TPP2: variants seen among roughly 807,000 people sequenced by gnomAD.
TPP2 encodes tripeptidyl-peptidase 2.
Under a neutral mutation model 155.9 loss-of-function variants are expected in TPP2, and 34 were observed. That is an observed-to-expected ratio of 0.22 (90% confidence interval 0.17 to 0.29). The LOEUF is 0.29. Ranked by LOEUF, TPP2 falls within the 10% of genes least tolerant of loss-of-function variation. TPP2 has a pLI of 1.00. For missense variants in TPP2, 1,028 were observed against 1,522.3 expected (o/e 0.68, Z 5.40); for synonymous variants, 510 against 529.4 (o/e 0.96, Z 0.50).
intron 6 of TPP2, among the ~76,000 whole-genome samples, chr13:102,626,381 G>A (rs1160691159): frequency 1.3e-5 from 2 of 152,302 alleles, no homozygotes; most frequent in East Asian, 1.9e-4. Flanking sequence ...ATGAATTGAT[G>A]TACATGTAAC....
At chr13:102,604,522 C>T (rs1284620441) in intron 1 of TPP2, among the ~76,000 whole-genome samples, 1 of 152,128 alleles carries the variant, frequency 6.6e-6, no homozygotes, top group East Asian at 1.9e-4. Context: ...TGCCATATCC[C>T]CAGCACCTAA....
chr13:102,612,816 G>A (rs980361855), intron 2 of TPP2, among the ~76,000 whole-genome samples: 4 of 152,086 alleles, frequency 2.6e-5, no homozygotes, highest in African/African-American at 9.7e-5. Flanking sequence ...AAGAAATTGT[G>A]ATTAAATATA....
intron 2 of TPP2, among the ~76,000 whole-genome samples, chr13:102,607,231 G>A (rs748165427): frequency 1.3e-5 from 2 of 152,218 alleles, no homozygotes; most frequent in Non-Finnish European, 1.5e-5. Flanking sequence ...TATCTGAAAC[G>A]CTGGGGACCA....
intron 3 of TPP2, among the ~76,000 whole-genome samples, chr13:102,615,819 G>A (rs1880676027): frequency 2.0e-5 from 3 of 152,168 alleles, no homozygotes; most frequent in African/African-American, 7.2e-5. Context: ...AGAAGAGAAG[G>A]TTTTAAATTG....
At chr13:102,669,059 G>A (rs978689785) in intron 27 of TPP2, among the ~76,000 whole-genome samples, 18 of 152,154 alleles carry the variant, frequency 1.2e-4, no homozygotes, top group African/African-American at 4.3e-4. Flanking sequence ...TCTTCCCAGT[G>A]TTAACAATTC....
rs541121689 is a variant in TPP2, at chr13:102,629,141, C to T, written c.1017-341C>T. Among the ~76,000 whole-genome samples, 6 of 152,228 alleles carry T rather than the reference C, an allele frequency of 3.9e-5. No individual in the cohort carries two copies. In the South Asian group the frequency reaches 1.0e-3, roughly 26 times the overall value. On this transcript the variant is annotated intron_variant, in intron 8 of 29. Transcript: ENST00000376052. ...CAATTTCTACTCATAATTGTATGTA[C>T]GAATCTTCTGAGGTGTGTCTTCAGG...
rs191830652 is a variant in TPP2, at chr13:102,641,304, C to T, written c.2020+928C>T. Among the ~76,000 whole-genome samples the T allele has an allele frequency of 3.9e-5, 6 of 152,256 alleles. No individual in the cohort carries two copies. The South Asian group carries it at 6.2e-4, about 16-fold the overall frequency. ...TCCCATTGATAGAAGGAAGCAAATA[C>T]GGGCAGTCAAGAAAGTGTCACCCAA... is the stretch of plus-strand genomic sequence containing the variant. On this transcript the variant is annotated intron_variant, in intron 16 of 29. Transcript: ENST00000376052.
At chr13:102,626,274 C>A (rs624209) in intron 6 of TPP2, among the ~76,000 whole-genome samples, 75,354 of 151,982 alleles carry the variant, frequency 0.5, 19,063 homozygotes, top group African/African-American at 0.6. Flanking sequence ...AATTCAATAT[C>A]CATTTTTGTA....
chr13:102,643,224 G>A lies in TPP2; in HGVS notation c.2023G>A (p.Val675Met). 1.3e-6 allele frequency: 2 copies of A among 1,589,148 alleles called. No individual in the cohort carries two copies. The highest frequency in any genetic ancestry group is 1.7e-4 in the Middle Eastern group (1 of 5,944). ...EVPEGATWAEVTVCSCSSEVS... is the reference protein window; with the variant it reads ...EVPEGATWAEMTVCSCSSEVS... ...TGCTTCTTTCTTTCTTATTTTAGAA[G>A]TGACAGTGTGTTCGTGTTCTTCTGA... is the stretch of plus-strand genomic sequence containing the variant. Residue 675 changes from valine to methionine, a missense_variant and splice_region_variant, in exon 17 of 30, where the codon GTG (valine) becomes ATG (methionine). Transcript: ENST00000376052.
chr13:102,620,164 C>T (rs1408822891), intron 5 of TPP2, among the ~76,000 whole-genome samples: 1 of 152,142 alleles, frequency 6.6e-6, no homozygotes, highest in Non-Finnish European at 1.5e-5. Context: ...TCAGGATGTC[C>T]AGGGTACCAG....
At chr13:102,674,895 C>T (rs905932828) in intron 28 of TPP2, among the ~76,000 whole-genome samples, 2 of 152,138 alleles carry the variant, frequency 1.3e-5, no homozygotes, top group African/African-American at 4.8e-5. Flanking sequence ...TACTTATTTT[C>T]CTCAAAACTC....
intron 23 of TPP2, among the ~76,000 whole-genome samples, chr13:102,651,096 A>AT (rs1330728808): frequency 6.6e-6 from 1 of 152,206 alleles, no homozygotes; most frequent in Non-Finnish European, 1.5e-5. Flanking sequence ...TTTATAAGCA[A>AT]TAGATTTTGA....
chr13:102,635,717 A>T lies in TPP2; in HGVS notation c.1509+15A>T. The T allele has an allele frequency of 6.3e-7, 1 of 1,579,732 alleles. No homozygotes were observed. The highest frequency in any genetic ancestry group is 1.1e-5 in the South Asian group (1 of 89,766). On this transcript the variant is annotated intron_variant, in intron 12 of 29. Transcript: ENST00000376052. The stretch of plus-strand genomic sequence containing the variant: ...GTATTATTCAGGTATTGTTGCCTAT[A>T]TGAAAAATGGGTTGTAAAGCATCAT...
chr13:102,628,424 G>A (rs184116242), intron 8 of TPP2, among the ~76,000 whole-genome samples: 82 of 152,236 alleles, frequency 5.4e-4, no homozygotes, highest in African/African-American at 1.9e-3. Flanking sequence ...CTGAAATTTT[G>A]CTATTCTCTT....
rs139466696 is a variant in TPP2 at position 102,647,050 on chromosome 13, G to T, written c.2491-157G>T. ...TAAGAGAGCAGTGACTTTTATAAGT[G>T]CTAAAATACTGTGTGTTCTATATTT... On this transcript the variant is annotated intron_variant, in intron 20 of 29. Coordinates refer to ENST00000376052, the MANE Select transcript of TPP2 (RefSeq NM_001330588.2). Among the ~76,000 whole-genome samples, 24 of 152,258 alleles carry T rather than the reference G, an allele frequency of 1.6e-4. No individual in the cohort carries two copies. In the East Asian group the frequency reaches 4.6e-3, roughly 29 times the overall value.
intron 24 of TPP2, among the ~76,000 whole-genome samples, chr13:102,654,693 A>G (rs1883737234): frequency 6.6e-6 from 1 of 152,166 alleles, no homozygotes. Context: ...CTTCTAGCAC[A>G]CTGGGTGGCA....
Position 102,604,734 on chromosome 13 carries a change from T to C in TPP2, c.166-59T>C, listed in dbSNP as rs544186624. The C allele has an allele frequency of 5.2e-6, 8 of 1,547,202 alleles. No individual in the cohort carries two copies. In the African/African-American group the frequency reaches 1.1e-4, roughly 21 times the overall value. On this transcript the variant is annotated intron_variant, in intron 1 of 29. Transcript: ENST00000376052. Reference sequence around the variant, plus strand: ...ACACACATATATATGTGGATTTGCATTGTTTAGGAATAAAAACCTAAAATC... The same window carrying C: ...ACACACATATATATGTGGATTTGCACTGTTTAGGAATAAAAACCTAAAATC...
At chr13:102,625,507 C>T (rs563029565) in intron 6 of TPP2, among the ~76,000 whole-genome samples, 6 of 152,156 alleles carry the variant, frequency 3.9e-5, no homozygotes, top group South Asian at 2.1e-4. Context: ...GGGCTGTACC[C>T]TTTTCACTCC....
chr13:102,649,347 A>G (rs1483204697), intron 22 of TPP2, 61 bp from the exon 23 acceptor site: 32 of 1,541,046 alleles, frequency 2.1e-5, no homozygotes. Context: ...TTTTCCCCTT[A>G]CTTGTCTTTG....
Sources: gnomAD v4.1 joint callset for allele counts (sites outside exome capture counted in the v4.1 genomes callset) on GRCh38, gnomAD v4.1.1 for gene constraint, MANE v1.5 for transcripts, NCBI Gene and HGNC (gene_info 2026-07-23, HGNC 2026-07-21) for gene names.